Variants in EIF5A2 observed in about 807,000 individuals in gnomAD.
EIF5A2 encodes eukaryotic translation initiation factor 5A-2.
Under a neutral mutation model 16.4 loss-of-function variants are expected in EIF5A2, and 15 were observed. The observed-to-expected ratio is 0.92, with a 90% confidence interval of 0.61 to 1.41. The LOEUF (loss-of-function observed/expected upper bound fraction) is 1.41, where lower values mean the gene tolerates loss of function less well. Among genes scored for constraint, EIF5A2 ranks in the 40% most tolerant of loss-of-function variants. The pLI is 0.00. For missense variants in EIF5A2, 144 were observed against 189.5 expected (o/e 0.76, Z 1.41); for synonymous variants, 48 against 61.1 (o/e 0.79, Z 1.00).
intron 3 of EIF5A2, among the ~76,000 whole-genome samples, chr3:170,906,091 TATACA>T (rs557791437): frequency 1.9e-3 from 295 of 152,322 alleles, no homozygotes; most frequent in Non-Finnish European, 3.0e-3. Context: ...AAAAGAAATT[TATACA>T]ATACAACAAA....
chr3:170,907,686 C>A lies in EIF5A2; in HGVS notation c.121G>T (p.Val41Leu). Residue 41 changes from valine (V) to leucine (L), a missense_variant, in exon 2 of 5, where the codon GTG (valine) becomes TTG (leucine). Coordinates refer to ENST00000295822, the MANE Select transcript of EIF5A2 (RefSeq NM_020390.6). Reference protein sequence around the residue: ...VVLKGRPCKIVEMSTSKTGKH... With the variant: ...VVLKGRPCKILEMSTSKTGKH... Reference sequence around the variant, plus strand: ...CCAGTTTTGGAAGTTGACATCTCCACTATTTTGCATGGTCGTCCTTTGAGC... The same window carrying A: ...CCAGTTTTGGAAGTTGACATCTCCAATATTTTGCATGGTCGTCCTTTGAGC... 1.2e-6 allele frequency: 2 copies of A among 1,609,782 alleles called. No homozygotes were observed. The highest frequency in any genetic ancestry group is 1.7e-6 in the Non-Finnish European group (2 of 1,176,576).
chr3:170,907,610 G>A (rs1379084724), intron 2 of EIF5A2, 32 bp downstream of exon 2: 2 of 1,541,736 alleles, frequency 1.3e-6, no homozygotes, highest in Non-Finnish European at 1.8e-6. Context: ...TCCCAACGCC[G>A]AAGCCAAAGC....
At chr3:170,907,573 T>A in intron 2 of EIF5A2, 69 bp downstream of exon 2, 1 of 1,426,916 alleles carries the variant, frequency 7.0e-7, no homozygotes, top group Admixed American at 2.3e-5. Context: ...AATCTCATGA[T>A]CTGTAACGGA....
Position 170,890,184 on chromosome 3 carries a change from A to T in EIF5A2, c.*3176T>A, listed in dbSNP as rs1712494091. The T allele has an allele frequency of 1.3e-5, 2 of 152,130 alleles. No individual in the cohort carries two copies. The highest frequency in any genetic ancestry group is 4.1e-4 in the South Asian group (2 of 4,824). 9.4% of individuals were successfully genotyped at this position (152,130 alleles called of 1,614,324 possible). ...GAAAGTTGTAAATTTAAAAAAAAAA[A>T]GTTACCAACAGTTGAGGCACCAACA... is the stretch of plus-strand genomic sequence containing the variant. On this transcript the variant is annotated 3_prime_UTR_variant, in exon 5 of 5. Coordinates refer to ENST00000295822, the MANE Select transcript of EIF5A2 (RefSeq NM_020390.6).
chr3:170,893,187 A>G lies in EIF5A2; in HGVS notation c.*173T>C. The G allele has an allele frequency of 2.0e-6, 1 of 502,788 alleles. No homozygotes were observed. Among genetic ancestry groups the G allele is most frequent in the Non-Finnish European group, 3.3e-6 (1 of 300,478 alleles). 31.1% of individuals were successfully genotyped at this position (502,788 alleles called of 1,614,324 possible). On this transcript the variant is annotated 3_prime_UTR_variant, in exon 5 of 5. Transcript: ENST00000295822. ...AATTCAAAAAAAATTATACATATTG[A>G]TAATTTTTTAAAAATTATCAATTGC...
In EIF5A2 at chr3:170,891,627, T is replaced by C. The variant is rs1355499506; in HGVS notation, c.*1733A>G. ...ATATGATATACTTTCCTTTAGAAGATAGGAACAAAGGGCTTTTTAGAGGTC... is the reference window on the plus strand; with the variant it reads ...ATATGATATACTTTCCTTTAGAAGACAGGAACAAAGGGCTTTTTAGAGGTC... On this transcript the variant is annotated 3_prime_UTR_variant, in exon 5 of 5. Transcript: ENST00000295822. 1.3e-5 allele frequency: 2 copies of C among 152,558 alleles called. No homozygotes were observed. Among genetic ancestry groups the C allele is most frequent in the Non-Finnish European group, 2.9e-5 (2 of 68,028 alleles). The allele number at this position is 152,558 out of a possible 1,614,324, so 9.5% of individuals were successfully genotyped here.
chr3:170,901,065 A>G (rs962212514), intron 3 of EIF5A2, among the ~76,000 whole-genome samples: 1 of 152,226 alleles, frequency 6.6e-6, no homozygotes, highest in East Asian at 1.9e-4. Context: ...TTAAGACTCT[A>G]TATCTTACTA....
chr3:170,899,312 C>T (rs1384585114), intron 3 of EIF5A2, among the ~76,000 whole-genome samples: 1 of 152,138 alleles, frequency 6.6e-6, no homozygotes, highest in Non-Finnish European at 1.5e-5. Context: ...TCACTGCAGC[C>T]TCAACCTCCA....
rs1712531990 is a variant in EIF5A2, at chr3:170,891,412, C to T, written c.*1948G>A. The T allele has an allele frequency of 6.6e-6, 1 of 152,630 alleles. No individual in the cohort carries two copies. The highest frequency in any genetic ancestry group is 2.1e-4 in the South Asian group (1 of 4,834). 9.5% of individuals were successfully genotyped at this position (152,630 alleles called of 1,614,324 possible). On this transcript the variant is annotated 3_prime_UTR_variant, in exon 5 of 5. Transcript: ENST00000295822. ...ATGTTGTAGGAAAGACGACTAACTA[C>T]TACCTCACTATTTCTTGTGCTTTAG...
intron 3 of EIF5A2, among the ~76,000 whole-genome samples, chr3:170,901,219 C>T (rs751718090): frequency 6.6e-6 from 1 of 152,174 alleles, no homozygotes; most frequent in Middle Eastern, 3.2e-3. Context: ...ATTAATCACA[C>T]TGGTAATTGT....
chr3:170,893,057 A>G lies in EIF5A2; in HGVS notation c.*303T>C, dbSNP rs1712574385. Reference sequence around the variant, plus strand: ...CTGGTTTATCATCTAACTAAAACACAGGAATGATTTGCTCAGACAAATCAC... The same window carrying G: ...CTGGTTTATCATCTAACTAAAACACGGGAATGATTTGCTCAGACAAATCAC... On this transcript the variant is annotated 3_prime_UTR_variant, in exon 5 of 5. Transcript: ENST00000295822. The G allele has an allele frequency of 1.2e-5, 5 of 428,058 alleles. No individual in the cohort carries two copies. Among genetic ancestry groups the G allele is most frequent in the Non-Finnish European group, 2.0e-5 (5 of 244,592 alleles). 26.5% of individuals were successfully genotyped at this position (428,058 alleles called of 1,614,324 possible).
chr3:170,903,058 A>G (rs1712853922), intron 3 of EIF5A2, among the ~76,000 whole-genome samples: 4 of 152,222 alleles, frequency 2.6e-5, no homozygotes, highest in Admixed American at 2.6e-4. Context: ...AGAACAGAAG[A>G]ACAAGAAGTC....
chr3:170,899,674 C>G (rs1386903991), intron 3 of EIF5A2, among the ~76,000 whole-genome samples: 3 of 151,778 alleles, frequency 2.0e-5, no homozygotes, highest in Admixed American at 6.6e-5. Flanking sequence ...AGGTAGTTAT[C>G]TGCCAGATTT....
chr3:170,897,060 T>C (rs2108293333), intron 3 of EIF5A2, among the ~76,000 whole-genome samples: 1 of 152,280 alleles, frequency 6.6e-6, no homozygotes, highest in East Asian at 1.9e-4. Flanking sequence ...AGAGAGATGA[T>C]TTAGGTTACC....
intron 3 of EIF5A2, among the ~76,000 whole-genome samples, chr3:170,902,755 T>C (rs1712848367): frequency 6.6e-6 from 1 of 151,880 alleles, no homozygotes; most frequent in Non-Finnish European, 1.5e-5. Flanking sequence ...ATTACAGGCA[T>C]GCACCACCAC....
At chr3:170,897,664 G>A (rs1194909638) in intron 3 of EIF5A2, among the ~76,000 whole-genome samples, 6 of 152,234 alleles carry the variant, frequency 3.9e-5, no homozygotes, top group Non-Finnish European at 7.3e-5. Flanking sequence ...AATGCCTGGA[G>A]GTCCAAGCAG....
intron 1 of EIF5A2, 73 bp downstream of exon 1, chr3:170,908,470 C>G (rs114685386): frequency 0.024 from 3,634 of 153,030 alleles, 163 homozygotes; most frequent in African/African-American, 0.082. Context: ...TTCTGGGCGC[C>G]TTCCCCGGCC....
Position 170,890,608 on chromosome 3 carries a change from A to T in EIF5A2, c.*2752T>A, listed in dbSNP as rs1374751216. 2 of 152,368 alleles carry T rather than the reference A, an allele frequency of 1.3e-5. No individual in the cohort carries two copies. The highest frequency in any genetic ancestry group is 2.9e-5 in the Non-Finnish European group (2 of 67,990). 9.4% of individuals were successfully genotyped at this position (152,368 alleles called of 1,614,324 possible). A position where few individuals can be genotyped will look rare whatever the true frequency, so the allele number is the denominator to read the frequency against. ...GGTATAACAAAGTCTTCACAGTATA[A>T]ATAAAATGTTCTAAAAAGAAACAAA... On this transcript the variant is annotated 3_prime_UTR_variant, in exon 5 of 5. Coordinates refer to ENST00000295822, the MANE Select transcript of EIF5A2 (RefSeq NM_020390.6).
In EIF5A2 at chr3:170,892,428, CA is replaced by C. The variant is rs34403814; in HGVS notation, c.*931del. The C allele has an allele frequency of 0.24, 19,513 of 81,522 alleles. 568 individuals carry two copies. Among genetic ancestry groups the C allele is most frequent in the Middle Eastern group, 0.29 (42 of 146 alleles). 5.0% of individuals were successfully genotyped at this position (81,522 alleles called of 1,614,324 possible). A position where few individuals can be genotyped will look rare whatever the true frequency, so the allele number is the denominator to read the frequency against. ...TGGCTGATGGAGTGAGACTCAGTCTCAAAAAAAAAAAAAAAAAAAAGGAAGT... is the reference window on the plus strand; with the variant it reads ...TGGCTGATGGAGTGAGACTCAGTCTCAAAAAAAAAAAAAAAAAAAGGAAGT... On this transcript the variant is annotated 3_prime_UTR_variant, in exon 5 of 5. Coordinates refer to ENST00000295822, the MANE Select transcript of EIF5A2 (RefSeq NM_020390.6).
Sources: gnomAD v4.1 joint callset for allele counts (sites outside exome capture counted in the v4.1 genomes callset) on GRCh38, gnomAD v4.1.1 for gene constraint, MANE v1.5 for transcripts, NCBI Gene and HGNC (gene_info 2026-07-23, HGNC 2026-07-21) for gene names.